The following DIP2C variants were observed in gnomAD, a reference collection of about 807,000 sequenced individuals.
DIP2C encodes the protein DIP2 acetate--CoA ligase C (putative), also known as disco-interacting protein 2 homolog C.
In DIP2C, 33 loss-of-function variants were observed where a neutral mutation model predicts 192.4. The observed-to-expected ratio is 0.17, with a 90% CI of 0.13 to 0.23. The LOEUF (loss-of-function observed/expected upper bound fraction) is 0.23. Ranked by LOEUF, DIP2C falls within the 10% of genes least tolerant of loss-of-function variation. The probability of loss-of-function intolerance (pLI) is 1.00; values close to 1 mark genes in which losing one functional copy is unlikely to be tolerated. For synonymous variants in DIP2C, 979 were observed against 864.1 expected, an observed-to-expected ratio of 1.13 and a Z score of -2.33; for missense variants, 1,537 against 2,110.1, an observed-to-expected ratio of 0.73 and a Z score of 5.32.
chr10:478,659 G>C (rs1019250967), intron 2 of DIP2C, among the ~76,000 whole-genome samples: 2 of 151,238 alleles, frequency 1.3e-5, no homozygotes, highest in Non-Finnish European at 2.9e-5. Flanking sequence ...GTCTGGGCAT[G>C]CTAGGGGTGT....
intron 2 of DIP2C, among the ~76,000 whole-genome samples, chr10:477,812 G>T (rs1843192222): frequency 8.5e-6 from 1 of 118,258 alleles, no homozygotes; most frequent in Non-Finnish European, 1.7e-5. Context: ...GGAAAGAGAA[G>T]GAAAACAAGA....
intron 1 of DIP2C, among the ~76,000 whole-genome samples, chr10:571,471 C>T (rs1849808448): frequency 6.6e-6 from 1 of 151,578 alleles, no homozygotes; most frequent in South Asian, 2.1e-4. Context: ...CCTGCATCCC[C>T]CCTCCTTCAC....
rs576094609 is a variant in DIP2C, at chr10:395,482, G to A, written c.1260+3627C>T. ...CAAGTCACGGTGTCTTTAGACCTGA[G>A]AGGCTCGGCCTCAGGGGAGGGTCTC... On this transcript the variant is annotated intron_variant, in intron 10 of 36. Transcript: ENST00000280886. 2.0e-3 allele frequency among the ~76,000 whole-genome samples: 312 copies of A among 152,294 alleles called. 1 individual carries two copies. Among genetic ancestry groups the A allele is most frequent in the Middle Eastern group, 0.014 (4 of 294 alleles).
chr10:566,329 G>A (rs560712716), intron 1 of DIP2C, among the ~76,000 whole-genome samples: 78 of 152,258 alleles, frequency 5.1e-4, no homozygotes, highest in Non-Finnish European at 8.7e-4. Flanking sequence ...TGACCCTCGC[G>A]GGGTAACCGC....
At chr10:407,615 T>C (rs896428479) in intron 9 of DIP2C, among the ~76,000 whole-genome samples, 1 of 152,158 alleles carries the variant, frequency 6.6e-6, no homozygotes, top group Non-Finnish European at 1.5e-5. Flanking sequence ...GTTTAGTAAT[T>C]GCCGTGCTTC....
At chr10:489,049 T>G (rs1397624016) in intron 1 of DIP2C, among the ~76,000 whole-genome samples, 1 of 152,054 alleles carries the variant, frequency 6.6e-6, no homozygotes, top group Non-Finnish European at 1.5e-5. Flanking sequence ...GATGATTCTA[T>G]CCCAAAATGC....
chr10:335,408 A>G (rs1446521200), intron 29 of DIP2C, among the ~76,000 whole-genome samples: 1 of 152,198 alleles, frequency 6.6e-6, no homozygotes, highest in Non-Finnish European at 1.5e-5. Context: ...AAACCAACGC[A>G]TTCCTCCTGT....
intron 32 of DIP2C, among the ~76,000 whole-genome samples, chr10:298,094 A>G (rs2132247267): frequency 6.6e-6 from 1 of 152,148 alleles, no homozygotes; most frequent in East Asian, 1.9e-4. Flanking sequence ...TCTATCCTTT[A>G]CTCAGCCTTC....
At chr10:517,396 G>A (rs1308414135) in intron 1 of DIP2C, among the ~76,000 whole-genome samples, 1 of 152,152 alleles carries the variant, frequency 6.6e-6, no homozygotes, top group African/African-American at 2.4e-5. Context: ...GTCAGCAGCT[G>A]TTTTCTGGGG....
At chr10:585,722 C>T (rs112290439) in intron 1 of DIP2C, among the ~76,000 whole-genome samples, 5,499 of 152,120 alleles carry the variant, frequency 0.036, 324 homozygotes, top group African/African-American at 0.12. Context: ...CCACAAACGC[C>T]GCTGCAAGGT....
At chr10:606,885 G>T (rs922315315) in intron 1 of DIP2C, among the ~76,000 whole-genome samples, 2 of 152,184 alleles carry the variant, frequency 1.3e-5, no homozygotes, top group African/African-American at 4.8e-5. Flanking sequence ...TGAAGCTGGA[G>T]GCCTGTCATG....
At chr10:384,173 A>G (rs1192299978) in intron 15 of DIP2C, 27 bp from the exon 16 acceptor site, 1 of 1,608,488 alleles carries the variant, frequency 6.2e-7, no homozygotes, top group South Asian at 1.1e-5. Context: ...AAATAAGTTA[A>G]CATGTGCCAC....
chr10:540,209 G>C (rs1409328907), intron 1 of DIP2C, among the ~76,000 whole-genome samples: 1 of 152,244 alleles, frequency 6.6e-6, no homozygotes, highest in Non-Finnish European at 1.5e-5. Flanking sequence ...TCAAATTCTA[G>C]GTCTCCCGCA....
chr10:475,021 C>T (rs578197622), intron 2 of DIP2C, among the ~76,000 whole-genome samples: 3 of 152,164 alleles, frequency 2.0e-5, no homozygotes, highest in Admixed American at 6.6e-5. Flanking sequence ...AAGGCTTCAA[C>T]GGGGCTGTTT....
In DIP2C at chr10:390,043, A is replaced by C; in HGVS notation, c.1545T>G (p.Thr515=). Residue 515 remains threonine (T), a synonymous_variant, in exon 13 of 37, where the codon ACT becomes ACG. Coordinates refer to ENST00000280886, the MANE Select transcript of DIP2C (RefSeq NM_014974.3). ...GSVLGVTVTR[T]ALLTHCQALT... is the part of the protein sequence containing the mutation. ...GGGCCTGGCAGTGTGTCAGCAGCGC[A>C]GTCCTCGTCACCGTCACACCCAGCA... 2 of 1,614,154 alleles carry C rather than the reference A, an allele frequency of 1.2e-6. No homozygotes were observed. Among genetic ancestry groups the C allele is most frequent in the South Asian group, 2.2e-5 (2 of 91,068 alleles).
chr10:297,376 CCT>C (rs1168333674), intron 32 of DIP2C, among the ~76,000 whole-genome samples: 2 of 152,040 alleles, frequency 1.3e-5, no homozygotes, highest in African/African-American at 2.4e-5. Flanking sequence ...CATTTGCACT[CCT>C]CTGTTTACTG....
chr10:545,166 C>CCCTTTTTTTTTTTTTT, intron 1 of DIP2C, among the ~76,000 whole-genome samples: 1 of 86,336 alleles, frequency 1.2e-5, no homozygotes, highest in Non-Finnish European at 2.1e-5. Flanking sequence ...GGTGTTTTCC[C>CCCTTTTTTTTTTTTTT]TTTTTTTTTT....
intron 34 of DIP2C, 106 bp from the exon 35 acceptor site, chr10:283,552 A>T: frequency 7.3e-7 from 1 of 1,377,622 alleles, no homozygotes; most frequent in Non-Finnish European, 1.0e-6. Context: ...GTGATAGTAA[A>T]CGTTTCCTTG....
intron 1 of DIP2C, among the ~76,000 whole-genome samples, chr10:631,808 T>TACAA (rs1193842443): frequency 6.6e-6 from 1 of 152,190 alleles, no homozygotes; most frequent in Non-Finnish European, 1.5e-5. Context: ...TTTCATGATA[T>TACAA]ACAAGCATGA....
Sources: gnomAD v4.1 joint callset for allele counts (sites outside exome capture counted in the v4.1 genomes callset) on GRCh38, gnomAD v4.1.1 for gene constraint, MANE v1.5 for transcripts, NCBI Gene and HGNC (gene_info 2026-07-23, HGNC 2026-07-21) for gene names.